The following CACNG5 variants were observed in gnomAD, a reference collection of about 807,000 sequenced individuals.
The protein encoded by CACNG5 is voltage-dependent calcium channel gamma-5 subunit.
In CACNG5, 18 loss-of-function variants were observed where a neutral mutation model predicts 24.8. The ratio of observed to expected loss-of-function variants is 0.73; its 90% CI spans 0.50 to 1.08. The LOEUF is 1.08. Among genes scored for constraint, CACNG5 ranks in the 50% least tolerant of loss-of-function variants. CACNG5 has a pLI of 0.00. For synonymous variants in CACNG5, 157 were observed against 149.1 expected (o/e 1.05, Z -0.39); for missense variants, 349 against 367.9 (o/e 0.95, Z 0.42).
chr17:66,852,053 G>A (rs1274707344), intron 1 of CACNG5, among the ~76,000 whole-genome samples: 3 of 152,320 alleles, frequency 2.0e-5, no homozygotes, highest in South Asian at 4.1e-4. Flanking sequence ...CCATCTAATC[G>A]GCTGGGGCCT....
At chr17:66,850,534 T>A (rs1251067193) in intron 1 of CACNG5, among the ~76,000 whole-genome samples, 1 of 152,110 alleles carries the variant, frequency 6.6e-6, no homozygotes, top group Admixed American at 6.5e-5. Context: ...TTTTTTTACA[T>A]ATAGGTTATC....
At chr17:66,860,914 C>G (rs184696713) in intron 1 of CACNG5, among the ~76,000 whole-genome samples, 1 of 151,688 alleles carries the variant, frequency 6.6e-6, no homozygotes, top group East Asian at 1.9e-4. Context: ...TATGTGTGGC[C>G]CAAGACAATT....
intron 1 of CACNG5, among the ~76,000 whole-genome samples, chr17:66,865,997 T>A (rs891674328): frequency 7.2e-5 from 11 of 152,206 alleles, no homozygotes; most frequent in African/African-American, 2.6e-4. Context: ...AATCCAGAAA[T>A]TCCACTTAAT....
intron 1 of CACNG5, among the ~76,000 whole-genome samples, chr17:66,865,777 C>T (rs1453562698): frequency 6.6e-6 from 1 of 151,282 alleles, no homozygotes; most frequent in Non-Finnish European, 1.5e-5. Flanking sequence ...CTACAGGCGC[C>T]CACCACCATG....
chr17:66,847,591 A>G (rs1354801113), intron 1 of CACNG5, among the ~76,000 whole-genome samples: 2 of 151,324 alleles, frequency 1.3e-5, no homozygotes, highest in Non-Finnish European at 2.9e-5. Flanking sequence ...CCCATGACAC[A>G]TAGGGATTAT....
At chr17:66,863,948 G>A (rs1011962334) in intron 1 of CACNG5, among the ~76,000 whole-genome samples, 1 of 152,140 alleles carries the variant, frequency 6.6e-6, no homozygotes, top group Non-Finnish European at 1.5e-5. Flanking sequence ...TTATGTTCTG[G>A]CATTCATCAT....
At chr17:66,879,434 C>T (rs1268390029) in intron 3 of CACNG5, among the ~76,000 whole-genome samples, 1 of 152,172 alleles carries the variant, frequency 6.6e-6, no homozygotes, top group Non-Finnish European at 1.5e-5. Context: ...AGGTCTCAGT[C>T]CCCAAAGAAA....
At chr17:66,839,715 G>A (rs1399203609) in intron 1 of CACNG5, among the ~76,000 whole-genome samples, 1 of 152,046 alleles carries the variant, frequency 6.6e-6, no homozygotes, top group Non-Finnish European at 1.5e-5. Context: ...GAGCAGCTGG[G>A]TGGGCTCTGC....
intron 1 of CACNG5, among the ~76,000 whole-genome samples, chr17:66,868,901 G>A (rs1296433376): frequency 6.6e-6 from 1 of 152,152 alleles, no homozygotes; most frequent in Non-Finnish European, 1.5e-5. Context: ...AGACAGGAGG[G>A]CTGAAATTTG....
At chr17:66,880,207 GA>G (rs61114678) in intron 3 of CACNG5, among the ~76,000 whole-genome samples, 8,533 of 152,300 alleles carry the variant, frequency 0.056, 273 homozygotes, top group Middle Eastern at 0.099. Context: ...AAGCAAGATG[GA>G]ATGACCTGGC....
rs1428573657 is a variant in CACNG5 at position 66,893,844 on chromosome 17, G to A, written c.*8604G>A. Among the ~76,000 whole-genome samples the A allele has an allele frequency of 6.6e-6, 1 of 151,888 alleles. No homozygotes were observed. Among genetic ancestry groups the A allele is most frequent in the Non-Finnish European group, 1.5e-5 (1 of 67,980 alleles). On this transcript the variant is annotated 3_prime_UTR_variant, in exon 6 of 6. Coordinates refer to ENST00000533854, the MANE Select transcript of CACNG5 (RefSeq NM_145811.3). ...AATTCCTGAGTTGATGGGTGTGTGG[G>A]GTGCAAAGAAAAAAAAAGTGAAGTG...
chr17:66,840,338 C>T (rs1038157999), intron 1 of CACNG5, among the ~76,000 whole-genome samples: 1 of 152,174 alleles, frequency 6.6e-6, no homozygotes, highest in Non-Finnish European at 1.5e-5. Flanking sequence ...ACTCCCTCTC[C>T]CAGAGCTGAG....
chr17:66,844,870 T>C (rs1304853139), intron 1 of CACNG5, among the ~76,000 whole-genome samples: 1 of 152,226 alleles, frequency 6.6e-6, no homozygotes, highest in African/African-American at 2.4e-5. Flanking sequence ...CCATGTTCTT[T>C]CTGAACCCTT....
chr17:66,874,246 A>T (rs994930743), intron 1 of CACNG5, among the ~76,000 whole-genome samples: 4 of 152,192 alleles, frequency 2.6e-5, no homozygotes, highest in Non-Finnish European at 5.9e-5. Flanking sequence ...CCTAACAATG[A>T]TAAACGTTCA....
rs1272030233 is a variant in CACNG5, at chr17:66,889,301, C to T, written c.*4061C>T. Among the ~76,000 whole-genome samples the T allele has an allele frequency of 6.6e-6, 1 of 152,170 alleles. No homozygotes were observed. Among genetic ancestry groups the T allele is most frequent in the African/African-American group, 2.4e-5 (1 of 41,442 alleles). ...GTCCCATGGGTGAGTCAATGATGTCCTCCCAGCCCCACCAGTGACCTTCAG... is the reference window on the plus strand; with the variant it reads ...GTCCCATGGGTGAGTCAATGATGTCTTCCCAGCCCCACCAGTGACCTTCAG... On this transcript the variant is annotated 3_prime_UTR_variant, in exon 6 of 6. Coordinates refer to ENST00000533854, the MANE Select transcript of CACNG5 (RefSeq NM_145811.3).
At chr17:66,854,591 G>T (rs1013516641) in intron 1 of CACNG5, among the ~76,000 whole-genome samples, 2 of 151,814 alleles carry the variant, frequency 1.3e-5, no homozygotes, top group African/African-American at 4.8e-5. Context: ...CTACTCAGGA[G>T]GCTGAGGCAG....
chr17:66,835,685 C>T (rs1326499496), intron 1 of CACNG5, among the ~76,000 whole-genome samples: 1 of 152,166 alleles, frequency 6.6e-6, no homozygotes, highest in Non-Finnish European at 1.5e-5. Flanking sequence ...CAACTCCCCG[C>T]TTATCACAGC....
chr17:66,865,965 G>T (rs753193580), intron 1 of CACNG5, among the ~76,000 whole-genome samples: 1 of 152,134 alleles, frequency 6.6e-6, no homozygotes, highest in Non-Finnish European at 1.5e-5. Context: ...TTCTAAGAAT[G>T]CTAAAACAAT....
intron 1 of CACNG5, among the ~76,000 whole-genome samples, chr17:66,871,760 T>C (rs189756498): frequency 4.2e-4 from 64 of 152,238 alleles, no homozygotes; most frequent in South Asian, 8.3e-4. Flanking sequence ...CTCAGGAGGC[T>C]GAGGCAGGAG....
Sources: gnomAD v4.1 joint callset for allele counts (sites outside exome capture counted in the v4.1 genomes callset) on GRCh38, gnomAD v4.1.1 for gene constraint, MANE v1.5 for transcripts, NCBI Gene and HGNC (gene_info 2026-07-23, HGNC 2026-07-21) for gene names.